The following FNBP1 variants were observed in gnomAD, a reference collection of about 807,000 sequenced individuals.
FNBP1 encodes formin binding protein 1.
FNBP1 carries 26 observed loss-of-function variants against 90.6 expected under a neutral mutation model. That is an observed-to-expected ratio of 0.29 (90% CI 0.21 to 0.40). The LOEUF is 0.40. FNBP1 is among the 10% of genes least tolerant of loss of function. FNBP1 has a pLI of 1.00. For synonymous variants in FNBP1, 260 were observed against 265.2 expected (o/e 0.98, Z 0.19); for missense variants, 635 against 768.0 (o/e 0.83, Z 2.05).
At chr9:130,001,543 G>C (rs1475304343) in intron 1 of FNBP1, among the ~76,000 whole-genome samples, 1 of 152,084 alleles carries the variant, frequency 6.6e-6, no homozygotes, top group Non-Finnish European at 1.5e-5. Context: ...CAGAGGTCCA[G>C]GGACTGCACT....
intron 1 of FNBP1, among the ~76,000 whole-genome samples, chr9:130,039,401 G>A (rs1023292157): frequency 6.6e-6 from 1 of 152,168 alleles, no homozygotes; most frequent in African/African-American, 2.4e-5. Flanking sequence ...AAGCCTGGGC[G>A]AGGTAGCTCG....
At chr9:129,984,667 T>C (rs371555038) in intron 2 of FNBP1, among the ~76,000 whole-genome samples, 92 of 151,682 alleles carry the variant, frequency 6.1e-4, no homozygotes, top group Admixed American at 2.1e-3. Context: ...AAATCTCAAC[T>C]TGAATTGTAT....
intron 15 of FNBP1, among the ~76,000 whole-genome samples, chr9:129,898,446 G>C (rs2036208570): frequency 6.6e-6 from 1 of 150,706 alleles, no homozygotes; most frequent in Admixed American, 6.6e-5. Flanking sequence ...ATTCTCCCCT[G>C]TCCTCCCCGT....
intron 11 of FNBP1, among the ~76,000 whole-genome samples, chr9:129,910,504 A>AG (rs1554771988): frequency 9.6e-6 from 1 of 104,106 alleles, no homozygotes; most frequent in African/African-American, 3.5e-5. Context: ...AAAAAAAAAA[A>AG]AGAGAGAGAG....
At chr9:130,032,773 A>G (rs1472814607) in intron 1 of FNBP1, among the ~76,000 whole-genome samples, 1 of 152,118 alleles carries the variant, frequency 6.6e-6, no homozygotes, top group African/African-American at 2.4e-5. Flanking sequence ...TAATAGCCAA[A>G]GAAAATTAAT....
At chr9:130,029,128 A>C (rs886918589) in intron 1 of FNBP1, among the ~76,000 whole-genome samples, 1 of 152,142 alleles carries the variant, frequency 6.6e-6, no homozygotes, top group Non-Finnish European at 1.5e-5. Flanking sequence ...TGCTTGGCAC[A>C]TAAGTAGTTT....
chr9:129,946,176 A>C (rs2045263724), intron 6 of FNBP1, among the ~76,000 whole-genome samples: 1 of 152,300 alleles, frequency 6.6e-6, no homozygotes, highest in East Asian at 1.9e-4. Context: ...TTCAAAAAAA[A>C]ACAAAAAACC....
At chr9:129,893,775 G>A (rs1391930479) in intron 16 of FNBP1, among the ~76,000 whole-genome samples, 5 of 151,738 alleles carry the variant, frequency 3.3e-5, no homozygotes, top group Non-Finnish European at 5.9e-5. Context: ...AATTAGCTGG[G>A]CATGGTGGCA....
chr9:130,035,333 C>G (rs989177440), intron 1 of FNBP1, among the ~76,000 whole-genome samples: 15 of 152,192 alleles, frequency 9.9e-5, no homozygotes, highest in African/African-American at 3.1e-4. Flanking sequence ...GGCAGAGATA[C>G]AGAGGCCGAG....
rs111456734 is a variant in FNBP1, at chr9:130,027,805, G to A, written c.24+15147C>T. 8.9e-4 allele frequency among the ~76,000 whole-genome samples: 135 copies of A among 152,170 alleles called. 1 individual carries two copies. The highest frequency in any genetic ancestry group is 3.1e-3 in the African/African-American group (128 of 41,528). On this transcript the variant is annotated intron_variant, in intron 1 of 16. Coordinates refer to ENST00000446176, the MANE Select transcript of FNBP1 (RefSeq NM_015033.3). ...AGGAACCTCTATGGTTGGCTTCTCC[G>A]TATGTCTCTCTATGTGTGCTGTTTG... is the stretch of plus-strand genomic sequence containing the variant.
intron 16 of FNBP1, among the ~76,000 whole-genome samples, chr9:129,892,163 C>T (rs111846125): frequency 4.2e-4 from 64 of 152,198 alleles, no homozygotes; most frequent in African/African-American, 1.4e-3. Context: ...AAAAGTACAA[C>T]ATTAAAACAA....
At chr9:129,921,267 T>A (rs2041038520) in intron 10 of FNBP1, among the ~76,000 whole-genome samples, 1 of 152,018 alleles carries the variant, frequency 6.6e-6, no homozygotes, top group Non-Finnish European at 1.5e-5. Context: ...TTACATTCTT[T>A]ACTTTTTTTT....
In FNBP1 at chr9:129,966,693, C is replaced by T. The variant is rs118084690; in HGVS notation, c.346-8140G>A. Among the ~76,000 whole-genome samples, 19 of 152,236 alleles carry T rather than the reference C, an allele frequency of 1.2e-4. No individual in the cohort carries two copies. The highest frequency in any genetic ancestry group is 3.4e-3 in the Middle Eastern group (1 of 294). On this transcript the variant is annotated intron_variant, in intron 4 of 16. Transcript: ENST00000446176. The surrounding 1 kb of genome is among the most constrained non-coding windows in gnomAD (Gnocchi z 4.3). ...GTTGCAGTGAGCTGAGATCGCACCACTGCATTCCAAGTCTGGGTGATGGAG... is the reference window on the plus strand; with the variant it reads ...GTTGCAGTGAGCTGAGATCGCACCATTGCATTCCAAGTCTGGGTGATGGAG...
chr9:129,911,081 C>T (rs557850696), intron 11 of FNBP1, among the ~76,000 whole-genome samples: 1 of 152,188 alleles, frequency 6.6e-6, no homozygotes, highest in Admixed American at 6.5e-5. Context: ...AGGCTGGTCT[C>T]GAACTCCCGA....
At chr9:129,905,294 G>GTGTGTATATATATATATATATATATATA (rs374989661) in intron 12 of FNBP1, among the ~76,000 whole-genome samples, 10 of 132,332 alleles carry the variant, frequency 7.6e-5, no homozygotes, top group African/African-American at 2.6e-4. Flanking sequence ...GTGTGTGTGT[G>GTGTGTATATATATATATATATATATATA]TATATATATA....
intron 6 of FNBP1, among the ~76,000 whole-genome samples, chr9:129,939,600 G>C (rs866192979): frequency 1.3e-5 from 2 of 152,122 alleles, no homozygotes; most frequent in African/African-American, 4.8e-5. Flanking sequence ...GGGGAAGAGT[G>C]TCTTCTAAAA....
At chr9:130,000,165 T>C in intron 1 of FNBP1, among the ~76,000 whole-genome samples, 1 of 152,208 alleles carries the variant, frequency 6.6e-6, no homozygotes, top group Non-Finnish European at 1.5e-5. Context: ...TACCTGTATA[T>C]GATCATGTAA....
chr9:130,023,706 G>T (rs2058074275), intron 1 of FNBP1, among the ~76,000 whole-genome samples: 1 of 151,812 alleles, frequency 6.6e-6, no homozygotes. Flanking sequence ...GTTCCTAAGT[G>T]TTCTCCCAAC....
At chr9:129,909,373 G>GACA (rs1475200895) in intron 11 of FNBP1, among the ~76,000 whole-genome samples, 10 of 152,134 alleles carry the variant, frequency 6.6e-5, no homozygotes, top group African/African-American at 2.4e-4. Flanking sequence ...ACACTGAAGT[G>GACA]TTAATGAAAT....
Sources: allele counts gnomAD v4.1 joint callset (sites outside exome capture counted in the v4.1 genomes callset), GRCh38; gene constraint gnomAD v4.1.1; non-coding constraint Gnocchi (gnomAD v3.1); transcripts MANE v1.5; gene names NCBI Gene and HGNC (gene_info 2026-07-23, HGNC 2026-07-21).